LYST: variants seen among roughly 807,000 people sequenced by gnomAD.
LYST encodes lysosomal trafficking regulator, also known as lysosomal-trafficking regulator.
Under a neutral mutation model 413.6 loss-of-function variants are expected in LYST, and 192 were observed. The observed-to-expected ratio is 0.46, with a 90% CI of 0.41 to 0.52. The LOEUF (loss-of-function observed/expected upper bound fraction) is 0.52, where lower values mean the gene tolerates loss of function less well. Among genes scored for constraint, LYST ranks in the 20% least tolerant of loss-of-function variants. LYST has a pLI of 0.00. For missense variants in LYST, 3,815 were observed against 4,499.9 expected (o/e 0.85, Z 4.35); for synonymous variants, 1,525 against 1,567.3 (o/e 0.97, Z 0.64).
intron 28 of LYST, among the ~76,000 whole-genome samples, chr1:235,749,932 G>A (rs1320286276): frequency 1.3e-5 from 2 of 152,194 alleles, no homozygotes; most frequent in Non-Finnish European, 2.9e-5. Context: ...CAGGCACAAG[G>A]TGATAATTAA....
chr1:235,729,319 TA>T (rs1664161672), intron 37 of LYST, among the ~76,000 whole-genome samples: 1 of 152,162 alleles, frequency 6.6e-6, no homozygotes, highest in Non-Finnish European at 1.5e-5. Context: ...AATTGGCATA[TA>T]ATAAAAGAAA....
At position 235,734,589 on chromosome 1, in the gene LYST, T is replaced by G; in HGVS notation, c.8429A>C (p.Glu2810Ala). ...CATAAGCAGTTCTGCTGTGCCTAGC[T>G]CTTCTTCAGTCAATTCACCTTGGTG... ...HNHQGELTEE[E>A]LGTAELLMNA... is the part of the protein sequence containing the mutation. The change falls in exon 32 of 53, where the codon GAG becomes GCG. Residue 2810 changes from glutamate to alanine, a missense_variant. Physicochemically the swap from Glu to Ala is moderately radical, Grantham distance 107 (BLOSUM62 -1). Around this residue, in one of 4 missense-constraint regions of LYST, gnomAD observed 771 missense variants for 837.1 expected, o/e 0.92. Transcript: ENST00000389793. 2 of 1,613,276 alleles carry G rather than the reference T, an allele frequency of 1.2e-6. No homozygotes were observed. The highest frequency in any genetic ancestry group is 8.5e-7 in the Non-Finnish European group (1 of 1,179,304).
chr1:235,806,615 C>G lies in LYST; in HGVS notation c.2521G>C (p.Gly841Arg), dbSNP rs766650024. 4 of 1,614,046 alleles carry G rather than the reference C, an allele frequency of 2.5e-6. No individual in the cohort carries two copies. The Admixed American group carries it at 6.7e-5, about 27-fold the overall frequency. ...AACTCCTTCTGTTCAATGTCTATCCCATCAATATCTGGAACTGAGGCATCT... is the reference window on the plus strand; with the variant it reads ...AACTCCTTCTGTTCAATGTCTATCCGATCAATATCTGGAACTGAGGCATCT... ...QKDASVPDID[G>R]IDIEQKELSS... The change falls in exon 6 of 53, where the codon GGG becomes CGG. Residue 841 changes from glycine (G) to arginine (R), a missense_variant. Around this residue, in one of 4 missense-constraint regions of LYST, gnomAD observed 1,648 missense variants for 1,810.3 expected, o/e 0.91. Transcript: ENST00000389793.
At chr1:235,840,804 GGTA>G (rs892393514) in intron 1 of LYST, among the ~76,000 whole-genome samples, 2 of 152,174 alleles carry the variant, frequency 1.3e-5, no homozygotes, top group Admixed American at 1.3e-4. Context: ...CCAAGCAAAT[GGTA>G]AGGATATTTT....
chr1:235,689,363 G>A (rs1382679426), intron 47 of LYST, among the ~76,000 whole-genome samples: 2 of 152,052 alleles, frequency 1.3e-5, no homozygotes, highest in East Asian at 3.9e-4. Flanking sequence ...ATGACCCTGG[G>A]GGACACTGTA....
At position 235,809,448 on chromosome 1, in the gene LYST, A is replaced by G; in HGVS notation, c.1370T>C (p.Leu457Ser). The change falls in exon 5 of 53, where the codon TTA becomes TCA. Residue 457 changes from leucine to serine, a missense_variant. Transcript: ENST00000389793. The surrounding 1 kb of genome is among the most constrained non-coding windows in gnomAD (Gnocchi z 4.0). ...TAVLQMEWLV[L>S]RDGVPPEASE... is the part of the protein sequence containing the mutation. The stretch of plus-strand genomic sequence containing the variant: ...GGCCTCGGGAGGAACTCCATCTCTT[A>G]AAACCAGCCATTCCATTTGAAGAAC... 1 of 1,614,000 alleles carries G rather than the reference A, an allele frequency of 6.2e-7. No homozygotes were observed. Among genetic ancestry groups the G allele is most frequent in the Non-Finnish European group, 8.5e-7 (1 of 1,179,982 alleles).
intron 38 of LYST, among the ~76,000 whole-genome samples, chr1:235,725,458 A>AC (rs2103182354): frequency 6.6e-6 from 1 of 152,100 alleles, no homozygotes; most frequent in African/African-American, 2.4e-5. Flanking sequence ...TAACAAAATA[A>AC]AAATAAAGAG....
intron 48 of LYST, among the ~76,000 whole-genome samples, chr1:235,679,259 C>T (rs939951840): frequency 1.3e-5 from 2 of 152,166 alleles, no homozygotes; most frequent in Non-Finnish European, 2.9e-5. Flanking sequence ...GATTGTGACA[C>T]TCTCCACAGC....
intron 1 of LYST, among the ~76,000 whole-genome samples, chr1:235,855,721 G>A (rs1679096277): frequency 6.9e-6 from 1 of 145,670 alleles, no homozygotes. Flanking sequence ...TGCAAAATAA[G>A]TTTTAGAAGA....
chr1:235,750,867 C>G (rs776486487), intron 28 of LYST, among the ~76,000 whole-genome samples: 1 of 152,064 alleles, frequency 6.6e-6, no homozygotes, highest in Non-Finnish European at 1.5e-5. Context: ...CAGAGACTTC[C>G]CTAACTCCTG....
chr1:235,823,223 G>T (rs114818239), intron 3 of LYST, among the ~76,000 whole-genome samples: 74 of 152,234 alleles, frequency 4.9e-4, no homozygotes, highest in African/African-American at 1.6e-3. Flanking sequence ...CTGTCGAGTG[G>T]TTAAGATTTC....
At chr1:235,718,882 T>C (rs1277937097) in intron 40 of LYST, among the ~76,000 whole-genome samples, 1 of 152,242 alleles carries the variant, frequency 6.6e-6, no homozygotes, top group Non-Finnish European at 1.5e-5. Flanking sequence ...TCCTTGGCCT[T>C]TTAAAAAGTA....
chr1:235,778,762 G>A (rs1255294332), intron 16 of LYST, among the ~76,000 whole-genome samples: 1 of 151,946 alleles, frequency 6.6e-6, no homozygotes, highest in African/African-American at 2.4e-5. Context: ...CAATTATACT[G>A]TCTGTTGTGT....
chr1:235,700,796 T>C (rs1441915989), intron 45 of LYST, among the ~76,000 whole-genome samples: 3 of 152,240 alleles, frequency 2.0e-5, no homozygotes, highest in Non-Finnish European at 4.4e-5. Flanking sequence ...GTGTCTATTA[T>C]ATGCCCAGGA....
At chr1:235,812,451 G>A (rs1410112254) in intron 4 of LYST, among the ~76,000 whole-genome samples, 1 of 150,976 alleles carries the variant, frequency 6.6e-6, no homozygotes, top group Non-Finnish European at 1.5e-5. Flanking sequence ...AGGTTGCAGT[G>A]AGCCGAGATC....
chr1:235,757,603 G>A, intron 23 of LYST, 145 bp from the exon 24 acceptor site: 1 of 699,278 alleles, frequency 1.4e-6, no homozygotes, highest in East Asian at 2.7e-5. Context: ...ATTTAACTGT[G>A]ATTAACAAAT....
chr1:235,849,216 C>T (rs574193563), intron 1 of LYST, among the ~76,000 whole-genome samples: 2 of 152,118 alleles, frequency 1.3e-5, no homozygotes, highest in South Asian at 2.1e-4. Flanking sequence ...GTTTAACATA[C>T]GTAAGTCAAT....
chr1:235,719,168 G>A (rs953017924), intron 40 of LYST, among the ~76,000 whole-genome samples: 1 of 152,090 alleles, frequency 6.6e-6, no homozygotes, highest in Non-Finnish European at 1.5e-5. Flanking sequence ...ACAGGCATGT[G>A]CCACCACGGC....
At chr1:235,738,181 A>C in intron 31 of LYST, 2 of 1,610,056 alleles carry the variant, frequency 1.2e-6, no homozygotes, top group Non-Finnish European at 1.7e-6. Context: ...TTGAAGGGCG[A>C]GATGATGGAT....
Sources: gnomAD v4.1 joint callset for allele counts (sites outside exome capture counted in the v4.1 genomes callset) on GRCh38, gnomAD v4.1.1 for gene constraint, gnomAD v4.1.1 regional missense constraint, Gnocchi (gnomAD v3.1) non-coding constraint, MANE v1.5 for transcripts, NCBI Gene and HGNC (gene_info 2026-07-23, HGNC 2026-07-21) for gene names.